Variants in TENM4 observed in about 807,000 individuals in gnomAD.
TENM4 encodes teneurin transmembrane protein 4, also known as teneurin-4.
Under a neutral mutation model 243.3 loss-of-function variants are expected in TENM4, and 82 were observed. The observed-to-expected ratio is 0.34, with a 90% CI of 0.28 to 0.40. The LOEUF is 0.40. TENM4 is among the 10% of genes least tolerant of loss of function. TENM4 has a pLI of 1.00. For missense variants in TENM4, 3,138 were observed against 3,673.3 expected (o/e 0.85, Z 3.77); for synonymous variants, 1,412 against 1,456.3 (o/e 0.97, Z 0.69).
intron 9 of TENM4, among the ~76,000 whole-genome samples, chr11:78,881,421 G>A (rs532269122): frequency 6.6e-6 from 1 of 152,154 alleles, no homozygotes; most frequent in South Asian, 2.1e-4. Flanking sequence ...TCCGTTCTCC[G>A]GCTCCCTCAC....
chr11:79,314,315 T>A (rs1856769469), intron 1 of TENM4, among the ~76,000 whole-genome samples: 1 of 152,256 alleles, frequency 6.6e-6, no homozygotes. Flanking sequence ...GGGGCTGCTG[T>A]TATTTTTAGA....
At chr11:79,301,849 C>T (rs1446766301) in intron 1 of TENM4, among the ~76,000 whole-genome samples, 1 of 152,184 alleles carries the variant, frequency 6.6e-6, no homozygotes, top group Non-Finnish European at 1.5e-5. Context: ...TTCCCCTTTG[C>T]TTTCCGCCAT....
At chr11:78,864,246 A>G (rs897018262) in intron 9 of TENM4, among the ~76,000 whole-genome samples, 1 of 152,026 alleles carries the variant, frequency 6.6e-6, no homozygotes, top group African/African-American at 2.4e-5. Flanking sequence ...TGCCATGTGC[A>G]TATATTTCTG....
rs114829115 is a variant in TENM4, at chr11:79,222,167, C to T, written c.-264-6258G>A. ...GTGCTATGGCAGGGACATCTGTCAGCGAGAGGGTCAAGGGGAACAGGTGGG... is the reference window on the plus strand; with the variant it reads ...GTGCTATGGCAGGGACATCTGTCAGTGAGAGGGTCAAGGGGAACAGGTGGG... On this transcript the variant is annotated intron_variant, in intron 2 of 33. Transcript: ENST00000278550. 6.8e-3 allele frequency among the ~76,000 whole-genome samples: 1,040 copies of T among 152,226 alleles called. 18 individuals are homozygous for T. The highest frequency in any genetic ancestry group is 0.023 in the African/African-American group (972 of 41,524).
intron 1 of TENM4, among the ~76,000 whole-genome samples, chr11:79,302,312 TG>T (rs1374791357): frequency 6.6e-6 from 1 of 152,178 alleles, no homozygotes; most frequent in African/African-American, 2.4e-5. Flanking sequence ...TTTCTCTCCA[TG>T]TACAAAACTC....
At chr11:78,702,927 G>A (rs1859144473) in intron 27 of TENM4, among the ~76,000 whole-genome samples, 1 of 152,122 alleles carries the variant, frequency 6.6e-6, no homozygotes, top group Non-Finnish European at 1.5e-5. Flanking sequence ...ATACATGGTT[G>A]ATATGATACA....
intron 16 of TENM4, 122 bp downstream of exon 16, chr11:78,786,776 T>C: frequency 7.3e-7 from 1 of 1,377,620 alleles, no homozygotes; most frequent in Non-Finnish European, 9.8e-7. Context: ...TACCTCCAGA[T>C]GAAAGGACTT....
chr11:78,997,375 G>C (rs564193533), intron 6 of TENM4, among the ~76,000 whole-genome samples: 1 of 152,272 alleles, frequency 6.6e-6, no homozygotes, highest in African/African-American at 2.4e-5. Flanking sequence ...TGATTTGAGG[G>C]TTTATGACTC....
intron 6 of TENM4, among the ~76,000 whole-genome samples, chr11:78,934,970 G>A (rs910511828): frequency 2.1e-5 from 3 of 140,006 alleles, no homozygotes; most frequent in Non-Finnish European, 3.1e-5. Context: ...TTATTTCTGT[G>A]CATTTTGTGA....
intron 6 of TENM4, among the ~76,000 whole-genome samples, chr11:78,910,885 A>C (rs1856169913): frequency 6.6e-6 from 1 of 152,208 alleles, no homozygotes; most frequent in Non-Finnish European, 1.5e-5. Context: ...CTGAAATCCC[A>C]GATGGACTCA....
chr11:79,413,218 C>A (rs1199762267), intron 1 of TENM4, among the ~76,000 whole-genome samples: 2 of 152,238 alleles, frequency 1.3e-5, no homozygotes, highest in Admixed American at 6.5e-5. Context: ...AATCTGCCCT[C>A]ATTTCATCAC....
intron 28 of TENM4, among the ~76,000 whole-genome samples, chr11:78,688,654 A>G (rs1192152817): frequency 6.6e-6 from 1 of 152,202 alleles, no homozygotes; most frequent in Non-Finnish European, 1.5e-5. Flanking sequence ...AAAACCCGCA[A>G]GAACTGGTTA....
intron 2 of TENM4, among the ~76,000 whole-genome samples, chr11:79,259,650 CATCCATCT>C (rs1397256424): frequency 7.0e-4 from 93 of 133,744 alleles, no homozygotes; most frequent in African/African-American, 2.5e-3. Context: ...TCCATCCATC[CATCCATCT>C]ATCCATCCAT....
intron 2 of TENM4, among the ~76,000 whole-genome samples, chr11:79,274,731 C>T (rs1214420389): frequency 6.6e-6 from 1 of 152,150 alleles, no homozygotes; most frequent in Non-Finnish European, 1.5e-5. Context: ...AAACATGTAA[C>T]AGTGGAAGCC....
intron 28 of TENM4, among the ~76,000 whole-genome samples, chr11:78,691,838 C>T (rs1180783208): frequency 6.6e-6 from 1 of 152,130 alleles, no homozygotes; most frequent in Non-Finnish European, 1.5e-5. Context: ...TTCTTGTCTC[C>T]TATTCATTCA....
At chr11:79,372,623 C>T (rs539382234) in intron 1 of TENM4, among the ~76,000 whole-genome samples, 2 of 152,286 alleles carry the variant, frequency 1.3e-5, no homozygotes, top group South Asian at 4.2e-4. Context: ...TCTGCAACAA[C>T]CAGGCTTTGA....
intron 4 of TENM4, among the ~76,000 whole-genome samples, chr11:79,086,319 T>C (rs1860810130): frequency 6.6e-6 from 1 of 152,244 alleles, no homozygotes. Flanking sequence ...CGGTAGATTA[T>C]AGCCACACAG....
At chr11:78,942,890 G>C (rs950969676) in intron 6 of TENM4, among the ~76,000 whole-genome samples, 1 of 151,482 alleles carries the variant, frequency 6.6e-6, no homozygotes, top group African/African-American at 2.4e-5. Flanking sequence ...GAGAAATGGT[G>C]ATCTGAAGCC....
chr11:79,124,645 A>G (rs554650326), intron 4 of TENM4, among the ~76,000 whole-genome samples: 256 of 133,856 alleles, frequency 1.9e-3, no homozygotes, highest in South Asian at 9.6e-3. Context: ...ATATATATAT[A>G]TGTGTGTGTG....
Sources: gnomAD v4.1 joint callset for allele counts (sites outside exome capture counted in the v4.1 genomes callset) on GRCh38, gnomAD v4.1.1 for gene constraint, MANE v1.5 for transcripts, NCBI Gene and HGNC (gene_info 2026-07-23, HGNC 2026-07-21) for gene names.